Variants in RANGAP1 observed in about 807,000 individuals in gnomAD.
RANGAP1 encodes the protein ran GTPase-activating protein 1.
Under a neutral mutation model 63.5 loss-of-function variants are expected in RANGAP1, and 38 were observed. The observed-to-expected ratio is 0.60, with a 90% confidence interval of 0.46 to 0.78. RANGAP1 has a LOEUF of 0.78. RANGAP1 is among the 30% of genes least tolerant of loss of function. The pLI, the probability that RANGAP1 is intolerant of heterozygous loss-of-function variation, is 0.00. For missense variants in RANGAP1, 630 were observed against 740.3 expected, an observed-to-expected ratio of 0.85 and a Z score of 1.73; for synonymous variants, 329 against 310.5, an observed-to-expected ratio of 1.06 and a Z score of -0.63.
At position 41,246,853 on chromosome 22, in the gene RANGAP1, A is replaced by C. The variant is rs547997633; in HGVS notation, c.1695-181T>G. Among the ~76,000 whole-genome samples the C allele has an allele frequency of 6.6e-5, 10 of 152,274 alleles. No individual in the cohort carries two copies. In the East Asian group the frequency reaches 1.9e-3, roughly 29 times the overall value. ...GATGGGAGGTGCGAGAGGCTCAGAG[A>C]GCCAGGCACCCAACGCCACACAGCC... On this transcript the variant is annotated intron_variant, in intron 15 of 15. Transcript: ENST00000356244.
At chr22:41,252,740 G>A in intron 12 of RANGAP1, 132 bp downstream of exon 12, 3 of 1,096,664 alleles carry the variant, frequency 2.7e-6, no homozygotes, top group East Asian at 3.3e-5. Flanking sequence ...TGTTGTAACA[G>A]TGGCAGGCCA....
chr22:41,260,499 C>T (rs969698394), intron 6 of RANGAP1, among the ~76,000 whole-genome samples: 1 of 152,196 alleles, frequency 6.6e-6, no homozygotes, highest in Non-Finnish European at 1.5e-5. Flanking sequence ...CAGGACATTC[C>T]GGCCCGTATG....
At chr22:41,298,323 T>C in the RANGAP1 span, among the ~76,000 whole-genome samples, 1 of 150,820 alleles carries the variant, frequency 6.6e-6, no homozygotes, top group Non-Finnish European at 1.5e-5. Context: ...TTTGTTGTTG[T>C]TGTTGTTTTG....
intron 6 of RANGAP1, 149 bp from the exon 7 acceptor site, chr22:41,258,255 A>C: frequency 1.2e-6 from 1 of 842,522 alleles, no homozygotes. Flanking sequence ...GCATGGCTGC[A>C]TCTAACTCTT....
At chr22:41,266,027 C>T (rs1322856695) in intron 4 of RANGAP1, among the ~76,000 whole-genome samples, 2 of 152,108 alleles carry the variant, frequency 1.3e-5, no homozygotes, top group Non-Finnish European at 2.9e-5. Context: ...ACAGTGAAAC[C>T]CCATCTCTAC....
intron 2 of RANGAP1, 63 bp downstream of exon 2, chr22:41,280,870 A>G (rs940412702): frequency 6.2e-7 from 1 of 1,606,132 alleles, no homozygotes; most frequent in African/African-American, 1.3e-5. Flanking sequence ...GACAACCAGT[A>G]AGAGTTCAGT....
chr22:41,275,308 C>T (rs2145819041), intron 2 of RANGAP1, among the ~76,000 whole-genome samples: 1 of 151,876 alleles, frequency 6.6e-6, no homozygotes, highest in South Asian at 2.1e-4. Context: ...GCCTGGGCAA[C>T]ATGGTGAAAC....
At chr22:41,280,103 A>G (rs2035406977) in intron 2 of RANGAP1, among the ~76,000 whole-genome samples, 1 of 152,232 alleles carries the variant, frequency 6.6e-6, no homozygotes, top group African/African-American at 2.4e-5. Flanking sequence ...TCAAAAAAAA[A>G]AAGTGATAAA....
intron 3 of RANGAP1, among the ~76,000 whole-genome samples, chr22:41,271,229 A>C (rs2034798934): frequency 6.6e-6 from 1 of 151,780 alleles, no homozygotes; most frequent in East Asian, 1.9e-4. Context: ...ATCATTAAAA[A>C]AAAAAAAAAA....
At chr22:41,284,652 G>T (rs1277319422) in intron 1 of RANGAP1, among the ~76,000 whole-genome samples, 1 of 152,064 alleles carries the variant, frequency 6.6e-6, no homozygotes, top group Non-Finnish European at 1.5e-5. Flanking sequence ...TGGGCGGATC[G>T]ATTGAGCACA....
rs543214765 is a variant in RANGAP1, at chr22:41,286,121, G to C, written c.-174C>G. On this transcript the variant is annotated 5_prime_UTR_variant, in exon 1 of 16. Transcript: ENST00000356244. ...AGCGGTCCAGATGTCCAGCCGGCTAGTCTGTTAGCTCTCTCGAGCTCCCGG... is the reference window on the plus strand; with the variant it reads ...AGCGGTCCAGATGTCCAGCCGGCTACTCTGTTAGCTCTCTCGAGCTCCCGG... 4 of 152,470 alleles carry C rather than the reference G, an allele frequency of 2.6e-5. No individual in the cohort carries two copies. The highest frequency in any genetic ancestry group is 9.6e-5 in the African/African-American group (4 of 41,600). The allele number at this position is 152,470 out of a possible 1,614,324, so 9.4% of individuals were successfully genotyped here. A position where few individuals can be genotyped will look rare whatever the true frequency, so the allele number is the denominator to read the frequency against.
chr22:41,269,827 C>T (rs1383333411), intron 3 of RANGAP1, among the ~76,000 whole-genome samples: 1 of 151,754 alleles, frequency 6.6e-6, no homozygotes, highest in Non-Finnish European at 1.5e-5. Flanking sequence ...CCTCAATTAC[C>T]CTTATTTAAT....
intron 10 of RANGAP1, among the ~76,000 whole-genome samples, chr22:41,255,772 G>A (rs775528147): frequency 1.3e-5 from 2 of 151,924 alleles, no homozygotes; most frequent in African/African-American, 2.4e-5. Context: ...TGCACCCAAC[G>A]TTTCTGAATA....
At chr22:41,267,723 G>A (rs2034564594) in intron 4 of RANGAP1, among the ~76,000 whole-genome samples, 1 of 152,214 alleles carries the variant, frequency 6.6e-6, no homozygotes, top group African/African-American at 2.4e-5. Flanking sequence ...GCTGTGTGCA[G>A]AGAAGTCATG....
intron 2 of RANGAP1, among the ~76,000 whole-genome samples, chr22:41,275,286 AG>A (rs2035068502): frequency 6.6e-6 from 1 of 151,908 alleles, no homozygotes; most frequent in South Asian, 2.1e-4. Context: ...TGAGCCCAGG[AG>A]TTTAAGACCA....
At chr22:41,290,570 C>T (rs991654494), upstream of RANGAP1, among the ~76,000 whole-genome samples, 3 of 152,070 alleles carry the variant, frequency 2.0e-5, no homozygotes, top group Admixed American at 6.6e-5. Flanking sequence ...CTTGTGAGTG[C>T]GAGGTGAGTT....
intron 3 of RANGAP1, among the ~76,000 whole-genome samples, chr22:41,271,812 T>C (rs2034847421): frequency 6.6e-6 from 1 of 152,132 alleles, no homozygotes; most frequent in African/African-American, 2.4e-5. Flanking sequence ...ACTTGCACAC[T>C]GCTGCAGCAG....
intron 2 of RANGAP1, chr22:41,277,401 C>T: frequency 9.0e-7 from 1 of 1,113,316 alleles, no homozygotes; most frequent in African/African-American, 1.6e-5. Context: ...TATTTTTTCC[C>T]TGTTCTTTGA....
At chr22:41,250,210 C>A (rs1438869512) in intron 13 of RANGAP1, among the ~76,000 whole-genome samples, 2 of 152,220 alleles carry the variant, frequency 1.3e-5, no homozygotes, top group Admixed American at 1.3e-4. Context: ...TCCTGGGAAA[C>A]AGAACTAGGG....
Sources: allele counts gnomAD v4.1 joint callset (sites outside exome capture counted in the v4.1 genomes callset), GRCh38; gene constraint gnomAD v4.1.1; transcripts MANE v1.5; gene names NCBI Gene and HGNC (gene_info 2026-07-23, HGNC 2026-07-21).